Variants in PAX9 observed in about 807,000 individuals in gnomAD.
The protein encoded by PAX9 is paired box 9.
Under a neutral mutation model 29.1 loss-of-function variants are expected in PAX9, and 6 were observed. The observed-to-expected ratio is 0.21, with a 90% CI of 0.11 to 0.41. The LOEUF (loss-of-function observed/expected upper bound fraction) is 0.41. Ranked by LOEUF, PAX9 falls within the 10% of genes least tolerant of loss-of-function variation. PAX9 has a pLI of 1.00. For missense variants in PAX9, 443 were observed against 479.1 expected (o/e 0.92, Z 0.70); for synonymous variants, 217 against 211.7 (o/e 1.03, Z -0.22).
At chr14:36,659,274 A>T (rs984723247), upstream of PAX9, among the ~76,000 whole-genome samples, 1 of 152,072 alleles carries the variant, frequency 6.6e-6, no homozygotes, top group Non-Finnish European at 1.5e-5. Flanking sequence ...CCTTACATTC[A>T]TCGGGACTGA....
intron 2 of PAX9, among the ~76,000 whole-genome samples, chr14:36,664,535 C>T (rs80270124): frequency 0.014 from 2,098 of 151,498 alleles, 52 homozygotes; most frequent in African/African-American, 0.048. Context: ...GTCCGGCTTC[C>T]GCAGGAGACC....
In PAX9 at chr14:36,676,592, T is replaced by C; in HGVS notation, c.*140T>C. 8.6e-6 allele frequency: 8 copies of C among 926,018 alleles called. No individual in the cohort carries two copies. Among genetic ancestry groups the C allele is most frequent in the Non-Finnish European group, 8.4e-6 (5 of 592,642 alleles). 57.4% of individuals were successfully genotyped at this position (926,018 alleles called of 1,614,324 possible). A position where few individuals can be genotyped will look rare whatever the true frequency, so the allele number is the denominator to read the frequency against. ...AGCTGGCTGTACGGACTCACATCCT[T>C]TGTGCTAATGACACTTACATATTTC... On this transcript the variant is annotated 3_prime_UTR_variant, in exon 4 of 4. Coordinates refer to ENST00000361487, the MANE Select transcript of PAX9 (RefSeq NM_001372076.1).
rs760422709 is a variant in PAX9, at chr14:36,662,979, C to A, written c.87C>A (p.Ile29=). ...TGCCCAACGCCATCCGGCTTCGCATCGTGGAACTGGCCCAACTGGGCATCC... is the reference window on the plus strand; with the variant it reads ...TGCCCAACGCCATCCGGCTTCGCATAGTGGAACTGGCCCAACTGGGCATCC... The part of the protein sequence containing the change: ...RPLPNAIRLR[I]VELAQLGIRP... Residue 29 remains isoleucine, a synonymous_variant, in exon 2 of 4, where the codon ATC becomes ATA. Coordinates refer to ENST00000361487, the MANE Select transcript of PAX9 (RefSeq NM_001372076.1). 1.1e-5 allele frequency: 17 copies of A among 1,613,602 alleles called. No individual in the cohort carries two copies. The highest frequency in any genetic ancestry group is 1.4e-5 in the Non-Finnish European group (16 of 1,180,002).
chr14:36,660,175 TAAG>T (rs1881204523), upstream of PAX9, among the ~76,000 whole-genome samples: 1 of 152,206 alleles, frequency 6.6e-6, no homozygotes, highest in Non-Finnish European at 1.5e-5. Context: ...CTACCAGCCT[TAAG>T]AAGGAGCTGC....
intron 3 of PAX9, among the ~76,000 whole-genome samples, chr14:36,670,629 C>G (rs1403003838): frequency 2.0e-5 from 3 of 152,002 alleles, no homozygotes; most frequent in Non-Finnish European, 2.9e-5. Flanking sequence ...AGCAGAGTGT[C>G]TTTGAAATTC....
intron 3 of PAX9, among the ~76,000 whole-genome samples, chr14:36,667,522 G>A (rs534078730): frequency 6.6e-6 from 1 of 152,132 alleles, no homozygotes; most frequent in East Asian, 1.9e-4. Flanking sequence ...AAAGCCTCAA[G>A]CTATTCAGTT....
At chr14:36,657,895 C>CCG (rs1411866731), upstream of PAX9, 3 of 152,352 alleles carry the variant, frequency 2.0e-5, no homozygotes, top group Non-Finnish European at 4.4e-5. Flanking sequence ...CAAGTCCAGG[C>CCG]CGCAGGTCAG....
rs1195038340 is a variant in PAX9 at position 36,677,836 on chromosome 14, T to A, written c.*1384T>A. 1 of 152,250 alleles carries A rather than the reference T, an allele frequency of 6.6e-6. No individual in the cohort carries two copies. Among genetic ancestry groups the A allele is most frequent in the Non-Finnish European group, 1.5e-5 (1 of 68,036 alleles). 9.4% of individuals were successfully genotyped at this position (152,250 alleles called of 1,614,324 possible). On this transcript the variant is annotated 3_prime_UTR_variant, in exon 4 of 4. Transcript: ENST00000361487. ...TTCTAGACCAATTTATTTTTCACTT[T>A]AATGTTAATAACAGTTGTGGAGTAT...
chr14:36,661,428 C>G (rs1016884367), upstream of PAX9, among the ~76,000 whole-genome samples: 3 of 152,188 alleles, frequency 2.0e-5, no homozygotes, highest in African/African-American at 7.2e-5. Context: ...TCCTGACAGT[C>G]CCCAGAGGCC....
At chr14:36,675,657 T>C (rs1881857977) in intron 3 of PAX9, among the ~76,000 whole-genome samples, 2 of 152,360 alleles carry the variant, frequency 1.3e-5, no homozygotes, top group African/African-American at 4.8e-5. Flanking sequence ...GCATTTTCAA[T>C]ATGATCTCTT....
Position 36,676,601 on chromosome 14 carries a change from T to A in PAX9, c.*149T>A, listed in dbSNP as rs796334795. On this transcript the variant is annotated 3_prime_UTR_variant, in exon 4 of 4. Coordinates refer to ENST00000361487, the MANE Select transcript of PAX9 (RefSeq NM_001372076.1). ...TACGGACTCACATCCTTTGTGCTAA[T>A]GACACTTACATATTTCTTGCCATAA... 18 of 860,862 alleles carry A rather than the reference T, an allele frequency of 2.1e-5. No individual in the cohort carries two copies. The African/African-American group carries it at 3.0e-4, about 14-fold the overall frequency. 53.3% of individuals were successfully genotyped at this position (860,862 alleles called of 1,614,324 possible). A position where few individuals can be genotyped will look rare whatever the true frequency, so the allele number is the denominator to read the frequency against.
intron 3 of PAX9, among the ~76,000 whole-genome samples, chr14:36,674,197 T>C (rs1351273916): frequency 1.3e-5 from 2 of 152,220 alleles, no homozygotes. Flanking sequence ...TCTCAAAAAG[T>C]GGAAGAAACT....
At chr14:36,668,680 C>G (rs1014913395) in intron 3 of PAX9, among the ~76,000 whole-genome samples, 21 of 152,122 alleles carry the variant, frequency 1.4e-4, no homozygotes, top group African/African-American at 4.8e-4. Flanking sequence ...AGCCACCGTG[C>G]CGGCCAGTAA....
chr14:36,678,900 C>CT lies in PAX9; in HGVS notation c.*2453dup. The CT allele has an allele frequency of 1.0e-6, 1 of 977,510 alleles. No homozygotes were observed. Among genetic ancestry groups the CT allele is most frequent in the African/African-American group, 1.7e-5 (1 of 57,204 alleles). The allele number at this position is 977,510 out of a possible 1,614,324, so 60.6% of individuals were successfully genotyped here. On this transcript the variant is annotated 3_prime_UTR_variant, in exon 4 of 4. Transcript: ENST00000361487. Reference sequence around the variant, plus strand: ...CAAAGAAAATTATGATTTAAAGCCACTTTTTAAAATACGAGAAGGAAAATA... The same window carrying CT: ...CAAAGAAAATTATGATTTAAAGCCACTTTTTTAAAATACGAGAAGGAAAATA...
At chr14:36,675,868 T>TA (rs1379524551) in intron 3 of PAX9, among the ~76,000 whole-genome samples, 2 of 152,224 alleles carry the variant, frequency 1.3e-5, no homozygotes, top group Non-Finnish European at 2.9e-5. Context: ...GAACAGATTC[T>TA]AAGAGTATTT....
Position 36,676,456 on chromosome 14 carries a change from G to A in PAX9, c.*4G>A, listed in dbSNP as rs1180363893. Reference sequence around the variant, plus strand: ...TGTCACGGCTTCCGCGCTCTGATGGGAAATTCCGTCTCCAGCAGCTTCACC... The same window carrying A: ...TGTCACGGCTTCCGCGCTCTGATGGAAAATTCCGTCTCCAGCAGCTTCACC... On this transcript the variant is annotated 3_prime_UTR_variant, in exon 4 of 4. Transcript: ENST00000361487. 6.2e-7 allele frequency: 1 copy of A among 1,612,022 alleles called. No homozygotes were observed. The highest frequency in any genetic ancestry group is 8.5e-7 in the Non-Finnish European group (1 of 1,180,008).
rs1881905819 is a variant in PAX9, at chr14:36,676,666, A to T, written c.*214A>T. On this transcript the variant is annotated 3_prime_UTR_variant, in exon 4 of 4. Coordinates refer to ENST00000361487, the MANE Select transcript of PAX9 (RefSeq NM_001372076.1). The stretch of plus-strand genomic sequence containing the variant: ...AAAAACTGACATGACTTTAGGATTT[A>T]AAAACAAGAGCAACAATAAGCATTG... 1.6e-6 allele frequency: 1 copy of T among 613,238 alleles called. No homozygotes were observed. The allele number at this position is 613,238 out of a possible 1,614,324, so 38.0% of individuals were successfully genotyped here.
In PAX9 at chr14:36,663,195, G is replaced by T; in HGVS notation, c.303G>T (p.Glu101Asp). ...GAGACCCCGGCATCTTCGCCTGGGA[G>T]ATCCGGGACCGCCTGCTGGCGGACG... ...KQRDPGIFAW[E>D]IRDRLLADGV... The change falls in exon 2 of 4, where the codon GAG becomes GAT. Residue 101 changes from glutamate to aspartate, a missense_variant. By Grantham distance (45) the Glu-to-Asp change is conservative. Transcript: ENST00000361487. 1 of 1,614,046 alleles carries T rather than the reference G, an allele frequency of 6.2e-7. No individual in the cohort carries two copies. Among genetic ancestry groups the T allele is most frequent in the Non-Finnish European group, 8.5e-7 (1 of 1,180,048 alleles).
At chr14:36,664,433 C>G (rs996791753) in intron 2 of PAX9, among the ~76,000 whole-genome samples, 1 of 152,122 alleles carries the variant, frequency 6.6e-6, no homozygotes, top group Non-Finnish European at 1.5e-5. Context: ...CAGTGCCACC[C>G]CACTGTTTCT....
Sources: allele counts gnomAD v4.1 joint callset (sites outside exome capture counted in the v4.1 genomes callset), GRCh38; gene constraint gnomAD v4.1.1; transcripts MANE v1.5; gene names NCBI Gene and HGNC (gene_info 2026-07-23, HGNC 2026-07-21).